The following TCF7L1 variants were observed in gnomAD, a reference collection of about 807,000 sequenced individuals.
TCF7L1 encodes transcription factor 7-like 1.
A neutral mutation model predicts 63.7 loss-of-function variants in TCF7L1; 18 were observed. The ratio of observed to expected loss-of-function variants is 0.28; its 90% CI spans 0.20 to 0.42. The LOEUF (loss-of-function observed/expected upper bound fraction) is 0.42. Ranked by LOEUF, TCF7L1 falls within the 10% of genes least tolerant of loss-of-function variation. The pLI is 1.00. For missense variants in TCF7L1, 654 were observed against 779.3 expected (o/e 0.84, Z 1.91); for synonymous variants, 355 against 340.9 (o/e 1.04, Z -0.46).
At chr2:85,273,225 T>C (rs910792712) in intron 3 of TCF7L1, among the ~76,000 whole-genome samples, 3 of 152,092 alleles carry the variant, frequency 2.0e-5, no homozygotes, top group Non-Finnish European at 4.4e-5. Flanking sequence ...TCCACCTGAG[T>C]GAAGATCAAG....
At chr2:85,187,487 A>G (rs1280879924) in intron 3 of TCF7L1, among the ~76,000 whole-genome samples, 1 of 152,252 alleles carries the variant, frequency 6.6e-6, no homozygotes, top group Non-Finnish European at 1.5e-5. Flanking sequence ...CTTACATTTA[A>G]GATCCATTTT....
At chr2:85,160,101 A>G (rs1266299817) in intron 3 of TCF7L1, among the ~76,000 whole-genome samples, 1 of 152,244 alleles carries the variant, frequency 6.6e-6, no homozygotes, top group Non-Finnish European at 1.5e-5. Flanking sequence ...GTCTTTGGGT[A>G]TACAGTTTAC....
chr2:85,291,676 G>A (rs1168131357), intron 4 of TCF7L1, among the ~76,000 whole-genome samples: 5 of 152,142 alleles, frequency 3.3e-5, no homozygotes, highest in Admixed American at 6.6e-5. Context: ...CACCTCCTGG[G>A]TTCAAGAGAT....
chr2:85,146,240 C>T (rs562204442), intron 3 of TCF7L1, among the ~76,000 whole-genome samples: 2 of 152,196 alleles, frequency 1.3e-5, no homozygotes, highest in African/African-American at 4.8e-5. Flanking sequence ...TTGAGGAAGC[C>T]AAGACTTTGA....
At chr2:85,244,949 G>C (rs1392355763) in intron 3 of TCF7L1, among the ~76,000 whole-genome samples, 1 of 152,188 alleles carries the variant, frequency 6.6e-6, no homozygotes, top group Admixed American at 6.5e-5. Flanking sequence ...TGCAGCCAAG[G>C]AGGGGAGTGT....
intron 3 of TCF7L1, among the ~76,000 whole-genome samples, chr2:85,190,547 G>T (rs540783207): frequency 1.3e-4 from 20 of 152,268 alleles, no homozygotes. Context: ...TTACCATATG[G>T]CAGCCAACAC....
intron 3 of TCF7L1, among the ~76,000 whole-genome samples, chr2:85,280,905 G>C (rs1225766090): frequency 6.6e-6 from 1 of 152,090 alleles, no homozygotes; most frequent in African/African-American, 2.4e-5. Context: ...GAAAAGCTTC[G>C]TGACTTGGTC....
intron 3 of TCF7L1, among the ~76,000 whole-genome samples, chr2:85,219,007 T>A (rs2104298738): frequency 6.6e-6 from 1 of 151,982 alleles, no homozygotes; most frequent in African/African-American, 2.4e-5. Context: ...CTACAAAAAA[T>A]AAAATAAAAT....
chr2:85,227,975 G>A (rs1430505090), intron 3 of TCF7L1, among the ~76,000 whole-genome samples: 1 of 124,162 alleles, frequency 8.1e-6, no homozygotes, highest in East Asian at 2.5e-4. Flanking sequence ...CTGAGTGACA[G>A]AGCAAGACCC....
At position 85,134,661 on chromosome 2, in the gene TCF7L1, T is replaced by C. The variant is rs1219981336; in HGVS notation, c.441+211T>C. On this transcript the variant is annotated intron_variant, in intron 3 of 11. Transcript: ENST00000282111. This position sits in a 1 kb window ranked among gnomAD's most constrained non-coding sequence, Gnocchi z 5.0. ...TAAAGTTACTTTAACTTTTCCCCTCTTGCGGGTTGAGGTTTTGGAGTCCAC... is the reference window on the plus strand; with the variant it reads ...TAAAGTTACTTTAACTTTTCCCCTCCTGCGGGTTGAGGTTTTGGAGTCCAC... 6.6e-6 allele frequency among the ~76,000 whole-genome samples: 1 copy of C among 152,248 alleles called. No homozygotes were observed. Among genetic ancestry groups the C allele is most frequent in the Non-Finnish European group, 1.5e-5 (1 of 68,040 alleles).
intron 3 of TCF7L1, among the ~76,000 whole-genome samples, chr2:85,237,193 T>C (rs1680211667): frequency 6.6e-6 from 1 of 152,244 alleles, no homozygotes; most frequent in Non-Finnish European, 1.5e-5. Flanking sequence ...AAGGTATTTG[T>C]TAGAACTCCT....
chr2:85,301,772 G>A (rs1681983275), intron 4 of TCF7L1, among the ~76,000 whole-genome samples: 1 of 152,174 alleles, frequency 6.6e-6, no homozygotes, highest in African/African-American at 2.4e-5. Flanking sequence ...CCTGTTCCCA[G>A]TCCCAGACTT....
chr2:85,259,520 G>T (rs1008059640), intron 3 of TCF7L1, among the ~76,000 whole-genome samples: 1 of 152,170 alleles, frequency 6.6e-6, no homozygotes, highest in African/African-American at 2.4e-5. Flanking sequence ...TTGTCTTTGG[G>T]GTAGAAATTA....
chr2:85,179,333 C>T (rs1170676040), intron 3 of TCF7L1, among the ~76,000 whole-genome samples: 2 of 152,270 alleles, frequency 1.3e-5, no homozygotes, highest in Non-Finnish European at 2.9e-5. Flanking sequence ...ATCCGGATCT[C>T]CTGGAGAGCC....
intron 3 of TCF7L1, among the ~76,000 whole-genome samples, chr2:85,271,237 C>T (rs1449574678): frequency 6.6e-6 from 1 of 152,010 alleles, no homozygotes; most frequent in Admixed American, 6.5e-5. Context: ...CTCAGCCTCC[C>T]AAGTAGCTAG....
At chr2:85,194,254 G>A (rs1199692045) in intron 3 of TCF7L1, among the ~76,000 whole-genome samples, 1 of 152,164 alleles carries the variant, frequency 6.6e-6, no homozygotes, top group Non-Finnish European at 1.5e-5. Context: ...GAATTCAGGA[G>A]TGGTGGCTCA....
intron 3 of TCF7L1, among the ~76,000 whole-genome samples, chr2:85,135,211 C>A (rs1280107082): frequency 2.0e-5 from 3 of 152,184 alleles, no homozygotes; most frequent in African/African-American, 7.2e-5. Context: ...GATTCCTTCG[C>A]CCCCTCTCTC....
At chr2:85,243,110 C>T (rs1680376432) in intron 3 of TCF7L1, among the ~76,000 whole-genome samples, 1 of 152,188 alleles carries the variant, frequency 6.6e-6, no homozygotes, top group Non-Finnish European at 1.5e-5. Flanking sequence ...TTATTCCGCC[C>T]TTAACTCATT....
chr2:85,283,272 C>CCCCG (rs1426518703), intron 3 of TCF7L1, among the ~76,000 whole-genome samples: 4 of 58,270 alleles, frequency 6.9e-5, no homozygotes, highest in Non-Finnish European at 3.0e-4. Flanking sequence ...GTGTCCCCCC[C>CCCCG]CCCAAAATGA....
Sources: gnomAD v4.1 joint callset for allele counts (sites outside exome capture counted in the v4.1 genomes callset) on GRCh38, gnomAD v4.1.1 for gene constraint, Gnocchi (gnomAD v3.1) non-coding constraint, MANE v1.5 for transcripts, NCBI Gene and HGNC (gene_info 2026-07-23, HGNC 2026-07-21) for gene names.